ANKS1B: variants seen among roughly 807,000 people sequenced by gnomAD.
ANKS1B encodes the protein ankyrin repeat and sterile alpha motif domain containing 1B, also known as ankyrin repeat and sterile alpha motif domain-containing protein 1B.
Under a neutral mutation model 148.3 loss-of-function variants are expected in ANKS1B, and 36 were observed. That is an observed-to-expected ratio of 0.24 (90% CI 0.19 to 0.32). The LOEUF is 0.32. Ranked by LOEUF, ANKS1B falls within the 10% of genes least tolerant of loss-of-function variation. The pLI, the probability that ANKS1B is intolerant of heterozygous loss-of-function variation, is 1.00. For synonymous variants in ANKS1B, 542 were observed against 560.8 expected, an observed-to-expected ratio of 0.97 and a Z score of 0.47; for missense variants, 1,157 against 1,542.6, an observed-to-expected ratio of 0.75 and a Z score of 4.19.
At chr12:99,934,396 T>C (rs533953389) in intron 1 of ANKS1B, among the ~76,000 whole-genome samples, 2 of 152,230 alleles carry the variant, frequency 1.3e-5, no homozygotes, top group South Asian at 4.1e-4. Context: ...AGTCATTGGA[T>C]CCTCGGCTTC....
intron 17 of ANKS1B, among the ~76,000 whole-genome samples, chr12:98,838,829 C>T (rs763668193): frequency 2.6e-5 from 4 of 152,152 alleles, no homozygotes; most frequent in African/African-American, 9.7e-5. Flanking sequence ...ATGGAAGTTG[C>T]GGTGGAAACT....
intron 9 of ANKS1B, among the ~76,000 whole-genome samples, chr12:99,628,446 TAC>T (rs1396989321): frequency 2.0e-5 from 3 of 152,202 alleles, no homozygotes; most frequent in Non-Finnish European, 4.4e-5. Flanking sequence ...TCTGAAAACT[TAC>T]ACTCTGGATT....
At chr12:99,112,825 G>A (rs1050702916) in intron 15 of ANKS1B, among the ~76,000 whole-genome samples, 6 of 152,110 alleles carry the variant, frequency 3.9e-5, no homozygotes, top group African/African-American at 1.4e-4. Flanking sequence ...ATGTCGTCCT[G>A]TTTGCTTTAT....
At chr12:99,656,300 T>C (rs1014615012) in intron 8 of ANKS1B, among the ~76,000 whole-genome samples, 2 of 151,990 alleles carry the variant, frequency 1.3e-5, no homozygotes, top group Non-Finnish European at 2.9e-5. Context: ...ACAGACCTCC[T>C]AAGAAAAAAG....
chr12:99,758,541 T>C (rs200379757), intron 8 of ANKS1B, among the ~76,000 whole-genome samples: 1 of 151,132 alleles, frequency 6.6e-6, no homozygotes, highest in Non-Finnish European at 1.5e-5. Context: ...ATTTTTCATA[T>C]TAAAAAAATC....
At chr12:99,620,966 C>A (rs1179028985) in intron 9 of ANKS1B, among the ~76,000 whole-genome samples, 2 of 151,994 alleles carry the variant, frequency 1.3e-5, no homozygotes, top group Admixed American at 6.6e-5. Flanking sequence ...ACCAGCCTGT[C>A]CAAAGTCAAC....
chr12:99,496,662 T>C (rs2096607422), intron 10 of ANKS1B, among the ~76,000 whole-genome samples: 1 of 152,222 alleles, frequency 6.6e-6, no homozygotes, highest in Admixed American at 6.5e-5. Context: ...TTGTAAAATC[T>C]TGCTGAATAC....
Position 99,718,484 on chromosome 12 carries a change from G to C in ANKS1B, c.1128+54438C>G, listed in dbSNP as rs537823991. Among the ~76,000 whole-genome samples, 14 of 152,174 alleles carry C rather than the reference G, an allele frequency of 9.2e-5. No individual in the cohort carries two copies. In the East Asian group the frequency reaches 2.7e-3, roughly 29 times the overall value. On this transcript the variant is annotated intron_variant, in intron 8 of 26. Coordinates refer to ENST00000683438, the MANE Select transcript of ANKS1B (RefSeq NM_001352186.2). ...AATCACTCTTACCCCGCTCAATGCC[G>C]ATATCCCATCCCACAGCATGCTTTA...
At chr12:99,313,089 A>C (rs2083415984) in intron 12 of ANKS1B, among the ~76,000 whole-genome samples, 1 of 152,188 alleles carries the variant, frequency 6.6e-6, no homozygotes, top group Non-Finnish European at 1.5e-5. Flanking sequence ...GATAAAGGGG[A>C]TATCACCACT....
intron 10 of ANKS1B, among the ~76,000 whole-genome samples, chr12:99,498,893 A>C (rs1054906569): frequency 4.6e-5 from 7 of 152,246 alleles, no homozygotes; most frequent in African/African-American, 1.7e-4. Flanking sequence ...TGAGTTCTCC[A>C]GATCAGTTAG....
chr12:99,858,986 C>T (rs1382655868), intron 1 of ANKS1B, among the ~76,000 whole-genome samples: 1 of 151,970 alleles, frequency 6.6e-6, no homozygotes, highest in African/African-American at 2.4e-5. Flanking sequence ...CTTATTCATG[C>T]ACATAAATAA....
chr12:99,488,732 G>A (rs932782970), intron 10 of ANKS1B, among the ~76,000 whole-genome samples: 1 of 152,128 alleles, frequency 6.6e-6, no homozygotes, highest in Non-Finnish European at 1.5e-5. Context: ...TGCTATTCAA[G>A]TCCCACTTTC....
intron 1 of ANKS1B, among the ~76,000 whole-genome samples, chr12:99,974,425 AAT>A (rs1237883452): frequency 2.0e-5 from 3 of 152,210 alleles, no homozygotes; most frequent in Admixed American, 6.5e-5. Flanking sequence ...ATAGGCAAAT[AAT>A]ATATGTTTAT....
intron 17 of ANKS1B, among the ~76,000 whole-genome samples, chr12:98,853,468 T>C (rs2099543542): frequency 1.3e-5 from 2 of 152,112 alleles, no homozygotes; most frequent in Non-Finnish European, 2.9e-5. Context: ...AGAGGCTCTA[T>C]CCCACATCCT....
intron 16 of ANKS1B, among the ~76,000 whole-genome samples, chr12:99,078,952 T>G (rs576541864): frequency 6.6e-6 from 1 of 152,354 alleles, no homozygotes; most frequent in East Asian, 1.9e-4. Flanking sequence ...TTGCTTGTTC[T>G]GTTGAAGCTA....
At chr12:99,654,518 C>A (rs1007385637) in intron 9 of ANKS1B, among the ~76,000 whole-genome samples, 1 of 152,104 alleles carries the variant, frequency 6.6e-6, no homozygotes, top group African/African-American at 2.4e-5. Context: ...ACAACAGGAA[C>A]CTGAAGGTGA....
At chr12:99,084,769 A>G (rs1172080376) in intron 16 of ANKS1B, among the ~76,000 whole-genome samples, 156 bp downstream of exon 16, 2 of 152,144 alleles carry the variant, frequency 1.3e-5, no homozygotes, top group African/African-American at 4.8e-5. Context: ...TAGTAGTCTC[A>G]TAAGTCTGAA....
intron 17 of ANKS1B, among the ~76,000 whole-genome samples, chr12:98,880,595 T>C (rs956557962): frequency 4.6e-5 from 7 of 151,828 alleles, no homozygotes; most frequent in African/African-American, 4.8e-5. Context: ...TGAAACCCCA[T>C]CTCTACTAAA....
At chr12:99,457,881 A>G (rs1457760323) in intron 10 of ANKS1B, among the ~76,000 whole-genome samples, 1 of 152,092 alleles carries the variant, frequency 6.6e-6, no homozygotes, top group Non-Finnish European at 1.5e-5. Flanking sequence ...ACAGAAAGTC[A>G]ACAAAGAACT....
Sources: allele counts gnomAD v4.1 joint callset (sites outside exome capture counted in the v4.1 genomes callset), GRCh38; gene constraint gnomAD v4.1.1; transcripts MANE v1.5; gene names NCBI Gene and HGNC (gene_info 2026-07-23, HGNC 2026-07-21).